The following TCN2 variants were observed in gnomAD, a reference collection of about 807,000 sequenced individuals.
TCN2 encodes the protein transcobalamin 2.
TCN2 carries 34 observed loss-of-function variants against 48.6 expected under a neutral mutation model. That is an observed-to-expected ratio of 0.70 (90% CI 0.53 to 0.93). TCN2 has a LOEUF of 0.93. Among genes scored for constraint, TCN2 ranks in the 40% least tolerant of loss-of-function variants. TCN2 has a pLI of 0.00. For synonymous variants in TCN2, 283 were observed against 212.5 expected, an observed-to-expected ratio of 1.33 and a Z score of -2.89; for missense variants, 652 against 526.1, an observed-to-expected ratio of 1.24 and a Z score of -2.34.
rs60134354 is a variant in TCN2 at position 30,618,113 on chromosome 22, A to AT, written c.1106+638dup. On this transcript the variant is annotated intron_variant, in intron 7 of 8. Transcript: ENST00000215838. ...GGCACGTGCCACACAACCCTGGGTA[A>AT]TTTTTTTTTTTTTTTTTTTTGAGAT... 5.2e-3 allele frequency among the ~76,000 whole-genome samples: 646 copies of AT among 124,264 alleles called. 7 individuals carry two copies. Among genetic ancestry groups the AT allele is most frequent in the African/African-American group, 0.013 (428 of 31,734 alleles). The allele number at this position is 124,264 out of a possible 152,430, so 81.5% of individuals were successfully genotyped here.
rs1423997808 is a variant in TCN2, at chr22:30,623,829, CACAT to C, written c.1222+748_1222+751del. ...ACACATATATACACACACATACACA[CACAT>C]ATACACACACATACATACACATACA... On this transcript the variant is annotated intron_variant, in intron 8 of 8. Transcript: ENST00000215838. 1.9e-4 allele frequency among the ~76,000 whole-genome samples: 11 copies of C among 59,132 alleles called. 4 individuals are homozygous for C. The highest frequency in any genetic ancestry group is 1.2e-3 in the East Asian group (4 of 3,246). 38.8% of individuals were successfully genotyped at this position (59,132 alleles called of 152,430 possible).
intron 1 of TCN2, 42 bp from the exon 2 acceptor site, chr22:30,610,829 G>A: frequency 1.2e-6 from 2 of 1,609,084 alleles, no homozygotes; most frequent in Non-Finnish European, 1.7e-6. Flanking sequence ...TTTGCTGGTG[G>A]CCTGGCCCTG....
At chr22:30,623,758 GTA>G (rs57689489) in intron 8 of TCN2, among the ~76,000 whole-genome samples, 27,509 of 67,528 alleles carry the variant, frequency 0.41, 10,867 homozygotes, top group Non-Finnish European at 0.48. Context: ...ACATATATAT[GTA>G]TATATATATA....
chr22:30,616,503 AAATG>A (rs2087614615), intron 6 of TCN2, among the ~76,000 whole-genome samples: 1 of 150,872 alleles, frequency 6.6e-6, no homozygotes, highest in Non-Finnish European at 1.5e-5. Flanking sequence ...AAAAAAAAAA[AAATG>A]GAGAAGAAGG....
chr22:30,614,300 C>A, intron 3 of TCN2, 49 bp from the exon 4 acceptor site: 1 of 1,595,630 alleles, frequency 6.3e-7, no homozygotes, highest in Non-Finnish European at 8.5e-7. Context: ...GCGGGGCTGG[C>A]TGCTGGGTGG....
rs147378603 is a variant in TCN2, at chr22:30,616,583, C to G, written c.941-747C>G. On this transcript the variant is annotated intron_variant, in intron 6 of 8. Coordinates refer to ENST00000215838, the MANE Select transcript of TCN2 (RefSeq NM_000355.4). ...TGGGAAGCTGAGGCAGATGGATTGC[C>G]TGAGCCCAGGAGTTTGAGACCAGCC... is the stretch of plus-strand genomic sequence containing the variant. Among the ~76,000 whole-genome samples, 12 of 152,048 alleles carry G rather than the reference C, an allele frequency of 7.9e-5. No homozygotes were observed. The East Asian group carries it at 2.3e-3, about 29-fold the overall frequency.
intron 8 of TCN2, among the ~76,000 whole-genome samples, chr22:30,625,230 A>C (rs1190731683): frequency 6.6e-6 from 1 of 152,102 alleles, no homozygotes; most frequent in African/African-American, 2.4e-5. Flanking sequence ...AAATGAAATA[A>C]AATAACAGAA....
intron 7 of TCN2, among the ~76,000 whole-genome samples, chr22:30,618,384 CTCTT>C (rs1350167611): frequency 1.3e-5 from 2 of 151,936 alleles, no homozygotes; most frequent in Non-Finnish European, 2.9e-5. Context: ...CAGAGCCTCT[CTCTT>C]TCACCTAGGC....
In TCN2 at chr22:30,617,477, A is replaced by T; in HGVS notation, c.1088A>T (p.His363Leu). 1 of 1,614,146 alleles carries T rather than the reference A, an allele frequency of 6.2e-7. No homozygotes were observed. Among genetic ancestry groups the T allele is most frequent in the South Asian group, 1.1e-5 (1 of 91,080 alleles). Residue 363 changes from histidine (H) to leucine (L), a missense_variant, in exon 7 of 9, where the codon CAT becomes CTT. Coordinates refer to ENST00000215838, the MANE Select transcript of TCN2 (RefSeq NM_000355.4). ...GTGGAAGATGTCCTGAAGAAGGCCC[A>T]TGAGTTAGGAGGATTCACGTGAGAC... ...STVEDVLKKA[H>L]ELGGFTYETQ...
rs1398513288 is a variant in TCN2, at chr22:30,624,098, G to A, written c.1222+1015G>A. 6.3e-5 allele frequency among the ~76,000 whole-genome samples: 8 copies of A among 126,278 alleles called. 2 individuals carry two copies. The highest frequency in any genetic ancestry group is 1.3e-4 in the Non-Finnish European group (8 of 61,496). 82.8% of individuals were successfully genotyped at this position (126,278 alleles called of 152,430 possible). ...TATATATATTTTTTTTTTTTGAGAT[G>A]GAGTCTTGCTCTGTTGCCCAGGCCG... On this transcript the variant is annotated intron_variant, in intron 8 of 8. Coordinates refer to ENST00000215838, the MANE Select transcript of TCN2 (RefSeq NM_000355.4).
At position 30,615,540 on chromosome 22, in the gene TCN2, G is replaced by A. The variant is rs11912238; in HGVS notation, c.754-61G>A. The A allele has an allele frequency of 2.7e-4, 433 of 1,613,748 alleles. 2 individuals are homozygous for A. In the African/African-American group the frequency reaches 5.2e-3, roughly 19 times the overall value. ...GTCAGGGGTGGAGTGGTCAGGTGCT[G>A]GAACACCTAGCCCCTCCCTGCCGGC... is the stretch of plus-strand genomic sequence containing the variant. On this transcript the variant is annotated intron_variant, in intron 5 of 8. Transcript: ENST00000215838.
Position 30,607,324 on chromosome 22 carries a change from C to T in TCN2, c.-8C>T. On this transcript the variant is annotated 5_prime_UTR_variant, in exon 1 of 9. Coordinates refer to ENST00000215838, the MANE Select transcript of TCN2 (RefSeq NM_000355.4). ...TTCTTGCTCACTGCTCACCCACCTG[C>T]TGCTGCCATGAGGCACCTTGGGGCC... The T allele has an allele frequency of 1.1e-5, 18 of 1,614,210 alleles. No homozygotes were observed. The highest frequency in any genetic ancestry group is 1.5e-5 in the Non-Finnish European group (18 of 1,180,036).
In TCN2 at chr22:30,626,929, C is replaced by T; in HGVS notation, c.*408C>T. On this transcript the variant is annotated 3_prime_UTR_variant, in exon 9 of 9. Transcript: ENST00000215838. ...CTCAGCCCGGGGGCTATGGCCCTGACCCCAGCTCTCCACTCTGCTGTTAGA... is the reference window on the plus strand; with the variant it reads ...CTCAGCCCGGGGGCTATGGCCCTGATCCCAGCTCTCCACTCTGCTGTTAGA... 1 of 313,082 alleles carries T rather than the reference C, an allele frequency of 3.2e-6. No homozygotes were observed. The highest frequency in any genetic ancestry group is 6.3e-6 in the Non-Finnish European group (1 of 159,740). The allele number at this position is 313,082 out of a possible 1,614,324, so 19.4% of individuals were successfully genotyped here. A position where few individuals can be genotyped will look rare whatever the true frequency, so the allele number is the denominator to read the frequency against.
At chr22:30,623,909 T>C (rs1271472449) in intron 8 of TCN2, among the ~76,000 whole-genome samples, 2 of 88,870 alleles carry the variant, frequency 2.3e-5, no homozygotes. Flanking sequence ...TATACATATA[T>C]ATACACACAT....
chr22:30,624,766 A>G (rs1456939931), intron 8 of TCN2, among the ~76,000 whole-genome samples: 2 of 152,176 alleles, frequency 1.3e-5, no homozygotes, highest in Non-Finnish European at 2.9e-5. Context: ...CAGGCTACAC[A>G]TGCCTAGTTT....
chr22:30,625,868 T>A (rs770774676), intron 8 of TCN2, among the ~76,000 whole-genome samples: 3 of 152,114 alleles, frequency 2.0e-5, no homozygotes, highest in Non-Finnish European at 4.4e-5. Flanking sequence ...GGGGTTAGGT[T>A]TTAACATATA....
chr22:30,617,801 G>A, intron 7 of TCN2: 1 of 440,518 alleles, frequency 2.3e-6, no homozygotes, highest in Non-Finnish European at 4.3e-6. Flanking sequence ...CCCCTTCCCT[G>A]CAGGGCCAGT....
At chr22:30,614,599 C>T in intron 4 of TCN2, 98 bp downstream of exon 4, 1 of 1,523,918 alleles carries the variant, frequency 6.6e-7, no homozygotes, top group South Asian at 1.2e-5. Context: ...ACTCACCTTT[C>T]CTTGGGGCTC....
intron 7 of TCN2, among the ~76,000 whole-genome samples, chr22:30,621,268 C>T (rs1030417921): frequency 6.6e-6 from 1 of 152,106 alleles, no homozygotes; most frequent in African/African-American, 2.4e-5. Flanking sequence ...GCTGGGATTA[C>T]AGATGTGACC....
Sources: gnomAD v4.1 joint callset for allele counts (sites outside exome capture counted in the v4.1 genomes callset) on GRCh38, gnomAD v4.1.1 for gene constraint, MANE v1.5 for transcripts, NCBI Gene and HGNC (gene_info 2026-07-23, HGNC 2026-07-21) for gene names.